The following FRMPD1 variants were observed in gnomAD, a reference collection of about 807,000 sequenced individuals.
FRMPD1 encodes the protein FERM and PDZ domain-containing protein 1.
A neutral mutation model predicts 117.8 loss-of-function variants in FRMPD1; 76 were observed. The observed-to-expected ratio is 0.65, with a 90% confidence interval of 0.54 to 0.78. The LOEUF (loss-of-function observed/expected upper bound fraction) is 0.78. Among genes scored for constraint, FRMPD1 ranks in the 30% least tolerant of loss-of-function variants. The probability of loss-of-function intolerance (pLI) is 0.00; values close to 1 mark genes in which losing one functional copy is unlikely to be tolerated. For synonymous variants in FRMPD1, 783 were observed against 770.4 expected, an observed-to-expected ratio of 1.02 and a Z score of -0.27; for missense variants, 1,786 against 1,964.5, an observed-to-expected ratio of 0.91 and a Z score of 1.72.
intron 2 of FRMPD1, among the ~76,000 whole-genome samples, chr9:37,700,323 G>T (rs1253494781): frequency 1.3e-5 from 2 of 152,124 alleles, no homozygotes; most frequent in Non-Finnish European, 2.9e-5. Flanking sequence ...AACCACAAGT[G>T]CATTCCTATG....
At chr9:37,704,481 T>G (rs1280660947) in intron 2 of FRMPD1, among the ~76,000 whole-genome samples, 1 of 152,170 alleles carries the variant, frequency 6.6e-6, no homozygotes, top group Non-Finnish European at 1.5e-5. Flanking sequence ...TGGACCGCAC[T>G]GCTCTAGAAG....
In FRMPD1 at chr9:37,733,771, G is replaced by A. The variant is rs764295228; in HGVS notation, c.1164G>A (p.Gln388=). ...SAAQLRLNYL[Q]ILGELKTYGG... is the part of the protein sequence containing the mutation. ...CCCAGCTACGTTTAAATTATCTACAGATCCTCGGAGAACTCAAGACATATG... is the reference window on the plus strand; with the variant it reads ...CCCAGCTACGTTTAAATTATCTACAAATCCTCGGAGAACTCAAGACATATG... Residue 388 remains glutamine, a synonymous_variant, in exon 12 of 16, where the codon CAG becomes CAA. Transcript: ENST00000377765. 3 of 1,607,790 alleles carry A rather than the reference G, an allele frequency of 1.9e-6. No homozygotes were observed. In the Admixed American group the frequency reaches 5.0e-5, roughly 27 times the overall value.
At chr9:37,739,293 G>GA in intron 14 of FRMPD1, among the ~76,000 whole-genome samples, 1 of 152,328 alleles carries the variant, frequency 6.6e-6, no homozygotes, top group African/African-American at 2.4e-5. Flanking sequence ...GCCATACTGT[G>GA]AGAGTCTGTA....
rs1355368675 is a variant in FRMPD1 at position 37,724,397 on chromosome 9, G to C, written c.612+77G>C. 4 of 747,446 alleles carry C rather than the reference G, an allele frequency of 5.4e-6. No individual in the cohort carries two copies. In the Admixed American group the frequency reaches 7.6e-5, roughly 14 times the overall value. The allele number at this position is 747,446 out of a possible 1,614,324, so 46.3% of individuals were successfully genotyped here. On this transcript the variant is annotated intron_variant, in intron 7 of 15. Transcript: ENST00000377765. ...TAGGACCCCCCAGGCATCTTGCCCT[G>C]CATCTGCCTTGGTGGTCTCACAAAC... is the stretch of plus-strand genomic sequence containing the variant.
intron 1 of FRMPD1, among the ~76,000 whole-genome samples, chr9:37,670,969 A>G (rs1483615568): frequency 6.6e-6 from 1 of 152,248 alleles, no homozygotes; most frequent in Non-Finnish European, 1.5e-5. Flanking sequence ...AATCTGCAGG[A>G]AAATAAGAAT....
At position 37,691,220 on chromosome 9, in the gene FRMPD1, G is replaced by A. The variant is rs144147015; in HGVS notation, c.-4-1418G>A. 2.1e-3 allele frequency among the ~76,000 whole-genome samples: 322 copies of A among 152,220 alleles called. 2 individuals are homozygous for A. The highest frequency in any genetic ancestry group is 7.2e-3 in the African/African-American group (299 of 41,526). ...TAGTCTCCCCAAGCTTCTCTTGTTC[G>A]TTTTCTCCAGAAAATAAGCCTCTTA... On this transcript the variant is annotated intron_variant, in intron 1 of 15. Transcript: ENST00000377765.
intron 1 of FRMPD1, among the ~76,000 whole-genome samples, chr9:37,685,383 C>A (rs993003027): frequency 2.0e-5 from 3 of 152,118 alleles, no homozygotes; most frequent in Admixed American, 1.3e-4. Flanking sequence ...GTGGCTCACG[C>A]CTGTAATCCC....
At chr9:37,626,642 A>AAAAAAAAAAAAAAAAAAAAAAAAAT in the FRMPD1 span, among the ~76,000 whole-genome samples, 3 of 146,412 alleles carry the variant, frequency 2.0e-5, no homozygotes, top group South Asian at 2.2e-4. Context: ...AAAAAAAAAA[A>AAAAAAAAAAAAAAAAAAAAAAAAAT]GCTGGAGGTG....
intron 1 of FRMPD1, among the ~76,000 whole-genome samples, chr9:37,663,047 CT>C (rs1334405242): frequency 2.0e-5 from 3 of 152,166 alleles, no homozygotes; most frequent in Non-Finnish European, 4.4e-5. Flanking sequence ...TGTATTTAGT[CT>C]GCCCAATTTA....
At position 37,708,512 on chromosome 9, in the gene FRMPD1, GT is replaced by G. The variant is rs1822796455; in HGVS notation, c.362+12del. The G allele has an allele frequency of 1.4e-6, 2 of 1,450,934 alleles. No homozygotes were observed. Among genetic ancestry groups the G allele is most frequent in the Non-Finnish European group, 1.9e-6 (2 of 1,030,862 alleles). The allele number at this position is 1,450,934 out of a possible 1,614,324, so 89.9% of individuals were successfully genotyped here. ...AGTCGATATTCTCAGGTACTAAATG[GT>G]CTTCCATCATCTACAGAATTGCACA... On this transcript the variant is annotated intron_variant, in intron 4 of 15. Coordinates refer to ENST00000377765, the MANE Select transcript of FRMPD1 (RefSeq NM_014907.3).
At chr9:37,673,315 T>A (rs1197712268) in intron 1 of FRMPD1, among the ~76,000 whole-genome samples, 2 of 152,226 alleles carry the variant, frequency 1.3e-5, no homozygotes, top group Admixed American at 6.5e-5. Flanking sequence ...AATGATCTCC[T>A]TTGACTCCAC....
At chr9:37,632,560 C>A in the FRMPD1 span, among the ~76,000 whole-genome samples, 3 of 152,300 alleles carry the variant, frequency 2.0e-5, no homozygotes, top group Middle Eastern at 3.4e-3. Context: ...TCTCTCTCCA[C>A]AAAGTGGTAA....
chr9:37,736,003 A>AT (rs199807390), intron 13 of FRMPD1, among the ~76,000 whole-genome samples: 69,779 of 144,266 alleles, frequency 0.48, 16,696 homozygotes, highest in South Asian at 0.56. Flanking sequence ...ACACCAGAGG[A>AT]TTTTTTTTTT....
At chr9:37,659,947 G>A (rs1222754073) in intron 1 of FRMPD1, among the ~76,000 whole-genome samples, 2 of 150,108 alleles carry the variant, frequency 1.3e-5, no homozygotes, top group African/African-American at 4.9e-5. Flanking sequence ...AAACTGAGGG[G>A]CAAGCAGAAG....
intron 5 of FRMPD1, among the ~76,000 whole-genome samples, chr9:37,718,748 C>G (rs1409911110): frequency 6.6e-6 from 1 of 152,192 alleles, no homozygotes; most frequent in Non-Finnish European, 1.5e-5. Context: ...TGAGATAGTT[C>G]TCACAACTAT....
chr9:37,609,898 C>T, the FRMPD1 span, among the ~76,000 whole-genome samples: 4 of 152,202 alleles, frequency 2.6e-5, no homozygotes, highest in African/African-American at 4.8e-5. Flanking sequence ...CTGATTCTTC[C>T]CTCTGCCTGG....
At chr9:37,669,481 C>T (rs2119413553) in intron 1 of FRMPD1, among the ~76,000 whole-genome samples, 1 of 152,314 alleles carries the variant, frequency 6.6e-6, no homozygotes, top group East Asian at 1.9e-4. Flanking sequence ...AGAACCATTG[C>T]CTGCCATGGC....
the FRMPD1 span, among the ~76,000 whole-genome samples, chr9:37,608,057 A>T: frequency 2.0e-5 from 3 of 152,240 alleles, no homozygotes; most frequent in African/African-American, 4.8e-5. Flanking sequence ...ATTGAAGGCG[A>T]GACGGGGTAG....
At chr9:37,722,588 A>G (rs1262116864) in intron 6 of FRMPD1, among the ~76,000 whole-genome samples, 2 of 152,020 alleles carry the variant, frequency 1.3e-5, no homozygotes, top group Non-Finnish European at 2.9e-5. Flanking sequence ...TTGCATTTTT[A>G]GTAGAGACAA....
Sources: allele counts gnomAD v4.1 joint callset (sites outside exome capture counted in the v4.1 genomes callset), GRCh38; gene constraint gnomAD v4.1.1; transcripts MANE v1.5; gene names NCBI Gene and HGNC (gene_info 2026-07-23, HGNC 2026-07-21).